Variants in PKHD1 observed in about 807,000 individuals in gnomAD.
PKHD1 encodes the protein fibrocystin.
PKHD1 carries 291 observed loss-of-function variants against 412.0 expected under a neutral mutation model. The observed-to-expected ratio is 0.71, with a 90% CI of 0.64 to 0.78. The LOEUF is 0.78. PKHD1 is among the 30% of genes least tolerant of loss of function. The pLI, the probability that PKHD1 is intolerant of heterozygous loss-of-function variation, is 0.00. For missense variants in PKHD1, 4,825 were observed against 4,950.7 expected, an observed-to-expected ratio of 0.97 and a Z score of 0.76; for synonymous variants, 1,777 against 1,821.5, an observed-to-expected ratio of 0.98 and a Z score of 0.62.
At chr6:51,963,921 A>G (rs931185761) in intron 35 of PKHD1, among the ~76,000 whole-genome samples, 24 of 152,166 alleles carry the variant, frequency 1.6e-4, no homozygotes, top group African/African-American at 5.5e-4. Context: ...CCTGGAGATA[A>G]ACACATCACT....
intron 37 of PKHD1, among the ~76,000 whole-genome samples, chr6:51,921,490 G>C (rs918965348): frequency 6.6e-6 from 1 of 152,150 alleles, no homozygotes; most frequent in African/African-American, 2.4e-5. Flanking sequence ...CTAGGTTGGG[G>C]AAATTCTCCT....
rs766157423 is a variant in PKHD1, at chr6:52,045,000, C to A, written c.2681G>T (p.Gly894Val). Residue 894 changes from glycine (G) to valine (V), a missense_variant, in exon 25 of 67, where the codon GGA becomes GTA. Gly to Val is a moderately radical substitution (Grantham distance 109). Coordinates refer to ENST00000371117, the MANE Select transcript of PKHD1 (RefSeq NM_138694.4). ...DGGVFLGPIF[G>V]DMLATANQHT... ...CTGGTTGGCAGTAGCCAACATGTCT[C>A]CAAATATGGGTCCAAGAAAAACTCC... 6.2e-6 allele frequency: 10 copies of A among 1,613,580 alleles called. No homozygotes were observed. The highest frequency in any genetic ancestry group is 8.5e-6 in the Non-Finnish European group (10 of 1,179,654).
chr6:51,934,337 G>C lies in PKHD1; in HGVS notation c.5909-15C>G. 6.4e-7 allele frequency: 1 copy of C among 1,572,954 alleles called. No homozygotes were observed. The highest frequency in any genetic ancestry group is 8.7e-7 in the Non-Finnish European group (1 of 1,144,020). ...CAGCTTGCCCCCTAATGGACAAAGG[G>C]AAAATTGTCAGTCCCTGGGAGGATA... is the stretch of plus-strand genomic sequence containing the variant. On this transcript the variant is annotated splice_polypyrimidine_tract_variant and intron_variant, in intron 36 of 66. Coordinates refer to ENST00000371117, the MANE Select transcript of PKHD1 (RefSeq NM_138694.4).
intron 60 of PKHD1, among the ~76,000 whole-genome samples, chr6:51,662,869 G>C (rs1486796709): frequency 6.6e-6 from 1 of 151,898 alleles, no homozygotes; most frequent in Non-Finnish European, 1.5e-5. Context: ...ATTTTGAACT[G>C]TTCTATGTCT....
chr6:52,072,257 T>C (rs375573134), intron 7 of PKHD1, 68 bp from the exon 8 acceptor site: 2 of 971,206 alleles, frequency 2.1e-6, no homozygotes. Context: ...TAAACATTCC[T>C]CACAAAACTC....
intron 35 of PKHD1, among the ~76,000 whole-genome samples, chr6:52,004,054 T>C (rs956177004): frequency 1.4e-4 from 22 of 152,302 alleles, no homozygotes; most frequent in African/African-American, 5.3e-4. Context: ...ATTTAGAAAA[T>C]CTTTGCATAT....
chr6:51,886,398 T>C (rs1242546794), intron 44 of PKHD1, among the ~76,000 whole-genome samples: 8 of 152,342 alleles, frequency 5.3e-5, no homozygotes, highest in African/African-American at 1.7e-4. Flanking sequence ...GCAGCCAAGA[T>C]GTCCATCAAT....
intron 60 of PKHD1, among the ~76,000 whole-genome samples, chr6:51,717,328 C>G (rs1054309337): frequency 1.3e-5 from 2 of 151,522 alleles, no homozygotes; most frequent in Non-Finnish European, 2.9e-5. Context: ...AGAAGGATTT[C>G]TTGAACCCAG....
chr6:51,812,088 G>A (rs1764769289), intron 52 of PKHD1, among the ~76,000 whole-genome samples: 1 of 152,138 alleles, frequency 6.6e-6, no homozygotes, highest in Non-Finnish European at 1.5e-5. Context: ...AGAGCAGCAG[G>A]AATGAGACAC....
intron 49 of PKHD1, among the ~76,000 whole-genome samples, chr6:51,849,593 G>A (rs528110723): frequency 2.2e-4 from 33 of 152,238 alleles, no homozygotes; most frequent in Non-Finnish European, 3.8e-4. Flanking sequence ...CATTCTGACT[G>A]GCATGAGATG....
At chr6:51,716,511 C>T (rs1781274303) in intron 60 of PKHD1, among the ~76,000 whole-genome samples, 1 of 152,094 alleles carries the variant, frequency 6.6e-6, no homozygotes, top group African/African-American at 2.4e-5. Flanking sequence ...GAGTCCCTCC[C>T]TTAGTGGGCC....
At chr6:52,012,183 G>A (rs1262627286) in intron 34 of PKHD1, among the ~76,000 whole-genome samples, 1 of 152,142 alleles carries the variant, frequency 6.6e-6, no homozygotes. Flanking sequence ...TTATAAAATG[G>A]AGTTGCCAAT....
intron 37 of PKHD1, among the ~76,000 whole-genome samples, chr6:51,927,608 A>T (rs1014699592): frequency 6.6e-6 from 1 of 152,176 alleles, no homozygotes; most frequent in Admixed American, 6.5e-5. Context: ...AGAGGGCTGC[A>T]TAAGTATCAA....
intron 56 of PKHD1, 137 bp downstream of exon 56, chr6:51,754,647 T>C: frequency 4.1e-6 from 3 of 738,442 alleles, no homozygotes; most frequent in Non-Finnish European, 7.3e-6. Flanking sequence ...TAAGGCCACG[T>C]AGCATGAGTC....
intron 50 of PKHD1, among the ~76,000 whole-genome samples, chr6:51,842,721 AC>A (rs1770444155): frequency 6.6e-6 from 1 of 150,380 alleles, no homozygotes. Context: ...CCTCCTGGCC[AC>A]CCCCCTACAA....
chr6:51,642,053 A>AATAAATAG (rs1213270236), intron 63 of PKHD1, among the ~76,000 whole-genome samples: 1 of 152,172 alleles, frequency 6.6e-6, no homozygotes, highest in Non-Finnish European at 1.5e-5. Flanking sequence ...ATAATAAATA[A>AATAAATAG]ATAAATAGAT....
intron 36 of PKHD1, among the ~76,000 whole-genome samples, chr6:51,944,767 G>A (rs1224057628): frequency 1.3e-5 from 2 of 152,168 alleles, no homozygotes. Flanking sequence ...CCATGGTCTT[G>A]ACGAATTGAT....
At chr6:51,805,542 T>G (rs998893459) in intron 52 of PKHD1, among the ~76,000 whole-genome samples, 1 of 152,100 alleles carries the variant, frequency 6.6e-6, no homozygotes, top group Non-Finnish European at 1.5e-5. Flanking sequence ...AAAGTTGAAA[T>G]TATATTTTTT....
chr6:52,011,854 A>C (rs1361203707), intron 34 of PKHD1, among the ~76,000 whole-genome samples: 1 of 152,156 alleles, frequency 6.6e-6, no homozygotes, highest in African/African-American at 2.4e-5. Flanking sequence ...CATGCCACCC[A>C]TATCTGAACG....
Sources: gnomAD v4.1 joint callset for allele counts (sites outside exome capture counted in the v4.1 genomes callset) on GRCh38, gnomAD v4.1.1 for gene constraint, MANE v1.5 for transcripts, NCBI Gene and HGNC (gene_info 2026-07-23, HGNC 2026-07-21) for gene names.